The following DCUN1D1 variants were observed in gnomAD, a reference collection of about 807,000 sequenced individuals.
DCUN1D1 encodes the protein DCN1-like protein 1.
Under a neutral mutation model 39.0 loss-of-function variants are expected in DCUN1D1, and 3 were observed. The ratio of observed to expected loss-of-function variants is 0.08; its 90% CI spans 0.04 to 0.20. The LOEUF is 0.20. Among genes scored for constraint, DCUN1D1 ranks in the 10% least tolerant of loss-of-function variants. The pLI, the probability that DCUN1D1 is intolerant of heterozygous loss-of-function variation, is 1.00. For synonymous variants in DCUN1D1, 82 were observed against 96.3 expected (o/e 0.85, Z 0.87); for missense variants, 158 against 302.4 (o/e 0.52, Z 3.54).
chr3:182,976,173 T>C (rs1350338878), intron 1 of DCUN1D1, among the ~76,000 whole-genome samples: 1 of 152,094 alleles, frequency 6.6e-6, no homozygotes, highest in Non-Finnish European at 1.5e-5. Context: ...ACTCTGTACA[T>C]AGAAGCTGCA....
intron 6 of DCUN1D1, among the ~76,000 whole-genome samples, chr3:182,946,283 C>T (rs1321037642): frequency 6.6e-6 from 1 of 152,100 alleles, no homozygotes; most frequent in South Asian, 2.1e-4. Flanking sequence ...ATAGGCTGGG[C>T]GCAGTGGCTC....
chr3:182,955,800 C>T (rs570205990), intron 4 of DCUN1D1: 19 of 266,666 alleles, frequency 7.1e-5, no homozygotes, highest in Middle Eastern at 2.8e-3. Context: ...AGGCTGGTCT[C>T]CAACTCCTGA....
At chr3:182,982,112 C>T (rs1344563214), upstream of DCUN1D1, among the ~76,000 whole-genome samples, 1 of 152,182 alleles carries the variant, frequency 6.6e-6, no homozygotes, top group Non-Finnish European at 1.5e-5. Context: ...GTGGGTTTTC[C>T]TAAGCTCTAC....
intron 4 of DCUN1D1, chr3:182,955,909 G>C (rs1347335240): frequency 6.3e-6 from 1 of 159,212 alleles, no homozygotes; most frequent in Non-Finnish European, 1.3e-5. Flanking sequence ...ACTTTTCTTG[G>C]TCTAAACATG....
chr3:182,979,590 G>A, intron 1 of DCUN1D1, among the ~76,000 whole-genome samples: 1 of 54,272 alleles, frequency 1.8e-5, no homozygotes, highest in Non-Finnish European at 3.5e-5. Context: ...CAAGCCTGGA[G>A]AGGACTTTTT....
upstream of DCUN1D1, chr3:182,980,557 C>G (rs1238273646): frequency 5.0e-6 from 6 of 1,194,994 alleles, no homozygotes; most frequent in Admixed American, 1.9e-4. Context: ...GCGGCGGCGG[C>G]GGCTCCTCTC....
At chr3:182,950,321 T>C (rs1726646441) in intron 4 of DCUN1D1, among the ~76,000 whole-genome samples, 1 of 152,032 alleles carries the variant, frequency 6.6e-6, no homozygotes, top group Non-Finnish European at 1.5e-5. Flanking sequence ...CTAATTTTTG[T>C]ATTTTTAGTA....
At chr3:182,975,188 T>C (rs898524746) in intron 1 of DCUN1D1, among the ~76,000 whole-genome samples, 3 of 151,620 alleles carry the variant, frequency 2.0e-5, no homozygotes, top group Non-Finnish European at 4.4e-5. Flanking sequence ...TTTTTTTTTT[T>C]TTTTTTGAGA....
rs927891383 is a variant in DCUN1D1 at position 182,939,130 on chromosome 3, C to T, written c.*5964G>A. ...AACTCACTCAAACTGCACATCCAATCGATACACGAGTTGGGATGCCTAGGT... is the reference window on the plus strand; with the variant it reads ...AACTCACTCAAACTGCACATCCAATTGATACACGAGTTGGGATGCCTAGGT... On this transcript the variant is annotated 3_prime_UTR_variant, in exon 7 of 7. Transcript: ENST00000292782. 1 of 152,154 alleles carries T rather than the reference C, an allele frequency of 6.6e-6. No individual in the cohort carries two copies. Among genetic ancestry groups the T allele is most frequent in the African/African-American group, 2.4e-5 (1 of 41,440 alleles). 9.4% of individuals were successfully genotyped at this position (152,154 alleles called of 1,614,324 possible).
intron 4 of DCUN1D1, 75 bp from the exon 5 acceptor site, chr3:182,947,707 A>C (rs1465576247): frequency 1.1e-6 from 1 of 876,584 alleles, no homozygotes; most frequent in African/African-American, 1.7e-5. Flanking sequence ...AACAAACAAA[A>C]AAACAGGTAT....
chr3:182,950,399 G>A (rs1007621133), intron 4 of DCUN1D1, among the ~76,000 whole-genome samples: 5 of 151,996 alleles, frequency 3.3e-5, no homozygotes, highest in Non-Finnish European at 5.9e-5. Context: ...GCCTGCCTCA[G>A]CCTACCAAAG....
chr3:182,979,756 T>C (rs762250561), intron 1 of DCUN1D1, among the ~76,000 whole-genome samples: 84 of 152,122 alleles, frequency 5.5e-4, no homozygotes, highest in Non-Finnish European at 9.6e-4. Flanking sequence ...TGTTCCCTAA[T>C]TTTATGAAAT....
At chr3:182,985,549 A>C (rs1274591239) in exon 2 of DCUN1D1, 5 of 152,402 alleles carry the variant, frequency 3.3e-5, no homozygotes, top group Admixed American at 1.3e-4. Flanking sequence ...GAATCGCTTG[A>C]ACCCGGGAGG....
intron 1 of DCUN1D1, among the ~76,000 whole-genome samples, chr3:182,978,533 G>A (rs1728359057): frequency 6.6e-6 from 1 of 152,072 alleles, no homozygotes; most frequent in Non-Finnish European, 1.5e-5. Context: ...GCACCAGCAT[G>A]CTTGGCTATT....
chr3:182,983,841 C>G (rs1728641778), upstream of DCUN1D1, among the ~76,000 whole-genome samples: 1 of 152,186 alleles, frequency 6.6e-6, no homozygotes, highest in Non-Finnish European at 1.5e-5. Context: ...CAGTACTCAA[C>G]TCAAAGACCA....
At chr3:182,945,278 A>C in intron 6 of DCUN1D1, 105 bp from the exon 7 acceptor site, 2 of 863,820 alleles carry the variant, frequency 2.3e-6, no homozygotes, top group Non-Finnish European at 3.5e-6. Context: ...ATAAGCGTTA[A>C]AGTATATCAT....
rs1237553200 is a variant in DCUN1D1, at chr3:182,943,620, A to G, written c.*1474T>C. ...CCTAGACCTTAGAGAGTGCCTGGAT[A>G]TATATCCCAAGCAGAATCTATTCCT... On this transcript the variant is annotated 3_prime_UTR_variant, in exon 7 of 7. Transcript: ENST00000292782. The G allele has an allele frequency of 3.9e-5, 6 of 152,302 alleles. No individual in the cohort carries two copies. Among genetic ancestry groups the G allele is most frequent in the South Asian group, 2.1e-4 (1 of 4,832 alleles). The allele number at this position is 152,302 out of a possible 1,614,324, so 9.4% of individuals were successfully genotyped here.
Position 182,947,641 on chromosome 3 carries a change from G to A in DCUN1D1, c.521-9C>T. On this transcript the variant is annotated splice_polypyrimidine_tract_variant and intron_variant, in intron 4 of 6. Coordinates refer to ENST00000292782, the MANE Select transcript of DCUN1D1 (RefSeq NM_020640.4). ...AATGGCCATTTCTAGATCTGAAATA[G>A]TAAAAATGAATTATGTATTTAAATG... The A allele has an allele frequency of 6.9e-7, 1 of 1,454,134 alleles. No individual in the cohort carries two copies. Among genetic ancestry groups the A allele is most frequent in the East Asian group, 2.3e-5 (1 of 43,642 alleles). The allele number at this position is 1,454,134 out of a possible 1,614,324, so 90.1% of individuals were successfully genotyped here. A position where few individuals can be genotyped will look rare whatever the true frequency, so the allele number is the denominator to read the frequency against.
rs1202471974 is a variant in DCUN1D1, at chr3:182,938,958, ATTTC to A, written c.*6132_*6135del. 6.6e-6 allele frequency: 1 copy of A among 152,510 alleles called. No homozygotes were observed. The highest frequency in any genetic ancestry group is 1.5e-5 in the Non-Finnish European group (1 of 68,104). 9.4% of individuals were successfully genotyped at this position (152,510 alleles called of 1,614,324 possible). ...CATCAGCACCACTCTTCGCTGACAC[ATTTC>A]TTCTCACCAGAGATCACTGAGGGAC... On this transcript the variant is annotated 3_prime_UTR_variant, in exon 7 of 7. Coordinates refer to ENST00000292782, the MANE Select transcript of DCUN1D1 (RefSeq NM_020640.4).
Sources: allele counts gnomAD v4.1 joint callset (sites outside exome capture counted in the v4.1 genomes callset), GRCh38; gene constraint gnomAD v4.1.1; transcripts MANE v1.5; gene names NCBI Gene and HGNC (gene_info 2026-07-23, HGNC 2026-07-21).